IL1RAPL1: variants seen among roughly 807,000 people sequenced by gnomAD.
The protein encoded by IL1RAPL1 is interleukin 1 receptor accessory protein like 1, also known as interleukin-1 receptor accessory protein-like 1.
In IL1RAPL1, 3 loss-of-function variants were observed where a neutral mutation model predicts 48.4. That is an observed-to-expected ratio of 0.06 (90% CI 0.03 to 0.16). The LOEUF is 0.16. IL1RAPL1 is among the 10% of genes least tolerant of loss of function. The pLI is 1.00. For synonymous variants in IL1RAPL1, 185 were observed against 187.7 expected (o/e 0.99, Z 0.12); for missense variants, 349 against 530.6 (o/e 0.66, Z 3.36).
intron 5 of IL1RAPL1, among the ~76,000 whole-genome samples, chrX:29,442,451 A>G (rs2147719942): frequency 8.9e-6 from 1 of 111,815 alleles, no homozygotes; most frequent in East Asian, 2.8e-4. Context: ...TCACCACTAA[A>G]GAATTTACTC....
chrX:28,700,589 G>A (rs1352690398), intron 1 of IL1RAPL1, among the ~76,000 whole-genome samples: 1 of 108,286 alleles, frequency 9.2e-6, no homozygotes, highest in South Asian at 4.1e-4. Flanking sequence ...AAACGTGCAG[G>A]TTTGTTACAT....
intron 6 of IL1RAPL1, among the ~76,000 whole-genome samples, chrX:29,843,386 T>A (rs1013559016): frequency 8.9e-6 from 1 of 112,323 alleles, no homozygotes; most frequent in African/African-American, 3.2e-5. Context: ...TGTCTTATCT[T>A]CTGATTTGTT....
At chrX:28,809,925 A>G (rs1002195879) in intron 2 of IL1RAPL1, among the ~76,000 whole-genome samples, 9 of 107,684 alleles carry the variant, frequency 8.4e-5, no homozygotes, top group African/African-American at 3.0e-4. Flanking sequence ...GTAAAACCAA[A>G]CAGGACTTGA....
intron 5 of IL1RAPL1, among the ~76,000 whole-genome samples, chrX:29,513,222 A>G (rs946182852): frequency 2.7e-5 from 3 of 111,561 alleles, no homozygotes; most frequent in Non-Finnish European, 3.8e-5. Flanking sequence ...TCATTCTATC[A>G]CCTTGACCAC....
intron 3 of IL1RAPL1, among the ~76,000 whole-genome samples, chrX:29,333,715 C>G (rs1932922645): frequency 3.6e-5 from 3 of 82,426 alleles, no homozygotes; most frequent in African/African-American, 5.0e-5. Context: ...GGGGCTGACC[C>G]CCCCACCTCC....
intron 1 of IL1RAPL1, among the ~76,000 whole-genome samples, chrX:28,704,829 CACAAAAA>C (rs1321221153): frequency 6.3e-5 from 2 of 31,861 alleles, no homozygotes; most frequent in African/African-American, 1.5e-4. Flanking sequence ...CACACACACA[CACAAAAA>C]AAAAAAAAAA....
At chrX:29,369,328 A>G in intron 3 of IL1RAPL1, 1 of 110,824 alleles carries the variant, frequency 9.0e-6, no homozygotes, top group Non-Finnish European at 1.9e-5. Context: ...CTTAAAAAAA[A>G]ATGCTAAACA....
At chrX:29,918,294 G>A (rs1392793586) in intron 7 of IL1RAPL1, among the ~76,000 whole-genome samples, 1 of 94,805 alleles carries the variant, frequency 1.1e-5, no homozygotes, top group Non-Finnish European at 2.1e-5. Context: ...ATCACCTGAG[G>A]TCAAGAGTTT....
intron 2 of IL1RAPL1, among the ~76,000 whole-genome samples, chrX:29,167,790 G>T (rs1929815310): frequency 9.1e-6 from 1 of 110,396 alleles, no homozygotes; most frequent in East Asian, 2.8e-4. Context: ...ATTATCAAGA[G>T]TAAAATGAAA....
At chrX:28,593,744 T>C in intron 1 of IL1RAPL1, among the ~76,000 whole-genome samples, 1 of 111,632 alleles carries the variant, frequency 9.0e-6, no homozygotes, top group East Asian at 2.8e-4. Context: ...AATCAGCATA[T>C]GGATAATCAT....
At chrX:29,063,731 C>A (rs904668738) in intron 2 of IL1RAPL1, among the ~76,000 whole-genome samples, 64 of 111,281 alleles carry the variant, frequency 5.8e-4, no homozygotes, top group African/African-American at 2.0e-3. Context: ...AACTGCATTT[C>A]TTTAACTGAA....
intron 2 of IL1RAPL1, among the ~76,000 whole-genome samples, chrX:28,807,135 G>T (rs1936742326): frequency 1.8e-5 from 2 of 110,867 alleles, no homozygotes; most frequent in African/African-American, 6.6e-5. Context: ...CTTCCTTTCA[G>T]TACCTAGCAT....
At position 28,850,731 on chromosome X, in the gene IL1RAPL1, A is replaced by G. The variant is rs1298304708; in HGVS notation, c.82+61306A>G. Among the ~76,000 whole-genome samples the G allele has an allele frequency of 2.7e-5, 3 of 110,419 alleles. No homozygotes were observed. The East Asian group carries it at 8.6e-4, about 32-fold the overall frequency. On this transcript the variant is annotated intron_variant, in intron 2 of 10. Transcript: ENST00000378993. ...GAACCTGGATTACCACATGCAAAAA[A>G]GATGCTTTTGTCCAAATAATTTCAT...
At chrX:29,158,488 C>G (rs1422950714) in intron 2 of IL1RAPL1, among the ~76,000 whole-genome samples, 1 of 111,354 alleles carries the variant, frequency 9.0e-6, no homozygotes, top group Non-Finnish European at 1.9e-5. Context: ...ATACTCAAGT[C>G]TTAGCCTCCC....
chrX:29,599,938 T>C (rs1219654236), intron 5 of IL1RAPL1, among the ~76,000 whole-genome samples: 1 of 112,175 alleles, frequency 8.9e-6, no homozygotes, highest in Non-Finnish European at 1.9e-5. Context: ...TGATGTTTTT[T>C]ATTTCAGTTA....
chrX:29,163,976 TA>T lies in IL1RAPL1; in HGVS notation c.83-118959del, dbSNP rs766710614. On this transcript the variant is annotated intron_variant, in intron 2 of 10. Coordinates refer to ENST00000378993, the MANE Select transcript of IL1RAPL1 (RefSeq NM_014271.4). ...GAGGTCCAATAAATCTCAATGATTG[TA>T]AATAGAGCTTTATTCATATTGAGCA... 3.6e-5 allele frequency among the ~76,000 whole-genome samples: 4 copies of T among 111,717 alleles called. No homozygotes were observed. In the East Asian group the frequency reaches 1.1e-3, roughly 32 times the overall value.
intron 2 of IL1RAPL1, among the ~76,000 whole-genome samples, chrX:28,992,489 C>CAAAAAAAAAA (rs1246127181): frequency 6.1e-5 from 1 of 16,524 alleles, no homozygotes; most frequent in African/African-American, 2.1e-4. Flanking sequence ...GACTCTGTCT[C>CAAAAAAAAAA]AAAAAAAAAA....
chrX:29,319,160 GTCTATCTATCTATCTATCTA>G (rs200758095), intron 3 of IL1RAPL1, among the ~76,000 whole-genome samples: 2 of 84,988 alleles, frequency 2.4e-5, no homozygotes, highest in Non-Finnish European at 4.4e-5. Context: ...CTATCTGTCT[GTCTATCTATCTATCTATCTA>G]TCTATCTATC....
At chrX:29,448,765 A>G (rs897174726) in intron 5 of IL1RAPL1, among the ~76,000 whole-genome samples, 1 of 111,731 alleles carries the variant, frequency 9.0e-6, no homozygotes, top group Non-Finnish European at 1.9e-5. Flanking sequence ...AGACTGGGTG[A>G]CATAAGCAAT....
Sources: gnomAD v4.1 joint callset for allele counts (sites outside exome capture counted in the v4.1 genomes callset) on GRCh38, gnomAD v4.1.1 for gene constraint, MANE v1.5 for transcripts, NCBI Gene and HGNC (gene_info 2026-07-23, HGNC 2026-07-21) for gene names.